The following BRIP1 variants were observed in gnomAD, a reference collection of about 807,000 sequenced individuals.
The protein encoded by BRIP1 is Fanconi anemia group J protein.
A neutral mutation model predicts 119.7 loss-of-function variants in BRIP1; 88 were observed. The observed-to-expected ratio is 0.74, with a 90% confidence interval of 0.62 to 0.88. The LOEUF is 0.88. Among genes scored for constraint, BRIP1 ranks in the 40% least tolerant of loss-of-function variants. BRIP1 has a pLI of 0.00. For missense variants in BRIP1, 1,259 were observed against 1,455.4 expected, an observed-to-expected ratio of 0.87 and a Z score of 2.20; for synonymous variants, 443 against 496.5, an observed-to-expected ratio of 0.89 and a Z score of 1.43.
At position 61,757,906 on chromosome 17, in the gene BRIP1, T is replaced by A. The variant is rs1050134981; in HGVS notation, c.2098-13315A>T. On this transcript the variant is annotated intron_variant, in intron 14 of 19. Transcript: ENST00000259008. This position sits in a 1 kb window ranked among gnomAD's most constrained non-coding sequence, Gnocchi z 4.3. The stretch of plus-strand genomic sequence containing the variant: ...TACCCAGGAGGCTGAAGTGGGAGGA[T>A]CACCTGAGCCAGGGAGGTAAAGACT... Among the ~76,000 whole-genome samples, 2 of 151,236 alleles carry A rather than the reference T, an allele frequency of 1.3e-5. No homozygotes were observed. The highest frequency in any genetic ancestry group is 4.9e-5 in the African/African-American group (2 of 41,116).
At chr17:61,731,357 T>G (rs113789760) in intron 16 of BRIP1, among the ~76,000 whole-genome samples, 1 of 152,204 alleles carries the variant, frequency 6.6e-6, no homozygotes, top group Admixed American at 6.5e-5. Flanking sequence ...GGTCTCTGTA[T>G]CAGATGCAAC....
chr17:61,703,761 T>C lies in BRIP1; in HGVS notation c.2493-10249A>G, dbSNP rs1357994642. Reference sequence around the variant, plus strand: ...CTAGGTTTTCTTCAAGGGTTTTTAGTTTAAGGTTTTACATTTAAGTCTTTA... The same window carrying C: ...CTAGGTTTTCTTCAAGGGTTTTTAGCTTAAGGTTTTACATTTAAGTCTTTA... On this transcript the variant is annotated intron_variant, in intron 17 of 19. Transcript: ENST00000259008. The surrounding 1 kb of genome is among the most constrained non-coding windows in gnomAD (Gnocchi z 5.0). 6.6e-6 allele frequency among the ~76,000 whole-genome samples: 1 copy of C among 152,142 alleles called. No individual in the cohort carries two copies. The highest frequency in any genetic ancestry group is 2.4e-5 in the African/African-American group (1 of 41,442).
At position 61,701,561 on chromosome 17, in the gene BRIP1, C is replaced by A. The variant is rs754830504; in HGVS notation, c.2493-8049G>T. Among the ~76,000 whole-genome samples the A allele has an allele frequency of 6.6e-6, 1 of 152,164 alleles. No individual in the cohort carries two copies. The highest frequency in any genetic ancestry group is 1.5e-5 in the Non-Finnish European group (1 of 68,028). ...AGAGCACCAAGGTGATAGCTTAGGG[C>A]CTTTTCAGGTCTTTTCTTAGCATGT... On this transcript the variant is annotated intron_variant, in intron 17 of 19. Transcript: ENST00000259008. This position sits in a 1 kb window ranked among gnomAD's most constrained non-coding sequence, Gnocchi z 5.1.
intron 10 of BRIP1, among the ~76,000 whole-genome samples, chr17:61,786,583 AAT>A (rs1372010463): frequency 6.8e-6 from 1 of 147,084 alleles, no homozygotes; most frequent in Admixed American, 6.9e-5. Context: ...ATAACTATAA[AAT>A]ATATAATATA....
chr17:61,806,773 C>T lies in BRIP1; in HGVS notation c.918+1694G>A, dbSNP rs2078079690. Among the ~76,000 whole-genome samples, 1 of 152,234 alleles carries T rather than the reference C, an allele frequency of 6.6e-6. No homozygotes were observed. Among genetic ancestry groups the T allele is most frequent in the South Asian group, 2.1e-4 (1 of 4,832 alleles). On this transcript the variant is annotated intron_variant, in intron 7 of 19. Coordinates refer to ENST00000259008, the MANE Select transcript of BRIP1 (RefSeq NM_032043.3). This position sits in a 1 kb window ranked among gnomAD's most constrained non-coding sequence, Gnocchi z 4.9. ...AGTGCAGTGGCGCGATCTTGGCTCA[C>T]TGCAACCTCTGCCTCCTGGGTTCAA...
rs62068836 is a variant in BRIP1 at position 61,809,975 on chromosome 17, C to T, written c.628-1218G>A. On this transcript the variant is annotated intron_variant, in intron 6 of 19. Coordinates refer to ENST00000259008, the MANE Select transcript of BRIP1 (RefSeq NM_032043.3). The surrounding 1 kb of genome is among the most constrained non-coding windows in gnomAD (Gnocchi z 5.2). ...ACTCCCAGTCTCACTCAACCTTGTC[C>T]GCCATTAAATATTACAATACATGAT... is the stretch of plus-strand genomic sequence containing the variant. Among the ~76,000 whole-genome samples the T allele has an allele frequency of 0.26, 39,177 of 152,108 alleles. 6,248 individuals are homozygous for T. Among genetic ancestry groups the T allele is most frequent in the Non-Finnish European group, 0.36 (24,358 of 67,964 alleles).
Position 61,722,540 on chromosome 17 carries a change from C to T in BRIP1, c.2380-6477G>A, listed in dbSNP as rs553234825. ...TCCTACCTATCTCTCAAAAATGTAA[C>T]TAAAGCAGCTTCTCTTCTTTAACAA... On this transcript the variant is annotated intron_variant, in intron 16 of 19. Transcript: ENST00000259008. The surrounding 1 kb of genome is among the most constrained non-coding windows in gnomAD (Gnocchi z 4.6). 2.0e-4 allele frequency among the ~76,000 whole-genome samples: 31 copies of T among 152,300 alleles called. No individual in the cohort carries two copies. Among genetic ancestry groups the T allele is most frequent in the Non-Finnish European group, 3.1e-4 (21 of 68,024 alleles).
In BRIP1 at chr17:61,759,236, T is replaced by C. The variant is rs2077242473; in HGVS notation, c.2098-14645A>G. ...CTGAAAGTGAGCAGCTGAAAAAAGC[T>C]ATTCAACAAAATGGAAACCAAAAGA... On this transcript the variant is annotated intron_variant, in intron 14 of 19. Transcript: ENST00000259008. This position sits in a 1 kb window ranked among gnomAD's most constrained non-coding sequence, Gnocchi z 4.9. Among the ~76,000 whole-genome samples, 1 of 152,056 alleles carries C rather than the reference T, an allele frequency of 6.6e-6. No individual in the cohort carries two copies. Among genetic ancestry groups the C allele is most frequent in the Non-Finnish European group, 1.5e-5 (1 of 68,008 alleles).
rs977495236 is a variant in BRIP1 at position 61,709,349 on chromosome 17, T to G, written c.2492+6602A>C. Among the ~76,000 whole-genome samples the G allele has an allele frequency of 3.0e-5, 4 of 134,196 alleles. No homozygotes were observed. Among genetic ancestry groups the G allele is most frequent in the Admixed American group, 2.2e-4 (3 of 13,710 alleles). 88.0% of individuals were successfully genotyped at this position (134,196 alleles called of 152,430 possible). A position where few individuals can be genotyped will look rare whatever the true frequency, so the allele number is the denominator to read the frequency against. On this transcript the variant is annotated intron_variant, in intron 17 of 19. Coordinates refer to ENST00000259008, the MANE Select transcript of BRIP1 (RefSeq NM_032043.3). This position sits in a 1 kb window ranked among gnomAD's most constrained non-coding sequence, Gnocchi z 5.0. ...TGACATTTTCATTTCTTTATTATCA[T>G]AGGATTTTGAGGGGGTGAAGAGTAA...
rs2061759004 is a variant in BRIP1, at chr17:61,710,781, C to T, written c.2492+5170G>A. On this transcript the variant is annotated intron_variant, in intron 17 of 19. Coordinates refer to ENST00000259008, the MANE Select transcript of BRIP1 (RefSeq NM_032043.3). This position sits in a 1 kb window ranked among gnomAD's most constrained non-coding sequence, Gnocchi z 5.4. ...CTTAGAAAAATAATTTAATTTCTCA[C>T]AACCAGTTTAAAAACAATTCAGGCT... Among the ~76,000 whole-genome samples the T allele has an allele frequency of 2.0e-5, 3 of 152,240 alleles. No individual in the cohort carries two copies. In the South Asian group the frequency reaches 6.2e-4, roughly 32 times the overall value.
Position 61,724,258 on chromosome 17 carries a change from AT to A in BRIP1, c.2380-8196del, listed in dbSNP as rs897207205. Among the ~76,000 whole-genome samples the A allele has an allele frequency of 1.3e-5, 2 of 152,038 alleles. No homozygotes were observed. The highest frequency in any genetic ancestry group is 2.9e-5 in the Non-Finnish European group (2 of 67,970). On this transcript the variant is annotated intron_variant, in intron 16 of 19. Transcript: ENST00000259008. The surrounding 1 kb of genome is among the most constrained non-coding windows in gnomAD (Gnocchi z 5.1). ...ATGGCATTCAAGCAGAAGTTATATG[AT>A]TTTGGATTCTGATTTTTACCATTAT...
At position 61,857,462 on chromosome 17, in the gene BRIP1, G is replaced by A. The variant is rs1364571770; in HGVS notation, c.206-231C>T. ...CATTTGGTTGGACACAGTGGCTCAC[G>A]CCTGTTATCCTAGCACTTTGGGAGG... is the stretch of plus-strand genomic sequence containing the variant. On this transcript the variant is annotated intron_variant, in intron 3 of 19. Transcript: ENST00000259008. This position sits in a 1 kb window ranked among gnomAD's most constrained non-coding sequence, Gnocchi z 5.1. Among the ~76,000 whole-genome samples, 3 of 152,130 alleles carry A rather than the reference G, an allele frequency of 2.0e-5. No homozygotes were observed. The highest frequency in any genetic ancestry group is 2.9e-5 in the Non-Finnish European group (2 of 68,032).
Position 61,807,558 on chromosome 17 carries a change from T to C in BRIP1, c.918+909A>G, listed in dbSNP as rs1412720608. ...TAAGGAAGAAAAGCATAAAACAAAA[T>C]AATTCACATTATATGGTAGGGGGTG... On this transcript the variant is annotated intron_variant, in intron 7 of 19. Coordinates refer to ENST00000259008, the MANE Select transcript of BRIP1 (RefSeq NM_032043.3). The surrounding 1 kb of genome is among the most constrained non-coding windows in gnomAD (Gnocchi z 4.5). 6.6e-6 allele frequency among the ~76,000 whole-genome samples: 1 copy of C among 152,110 alleles called. No homozygotes were observed. The highest frequency in any genetic ancestry group is 2.4e-5 in the African/African-American group (1 of 41,436).
intron 3 of BRIP1, among the ~76,000 whole-genome samples, chr17:61,858,217 GAC>G (rs1461494318): frequency 6.6e-6 from 1 of 151,968 alleles, no homozygotes; most frequent in Non-Finnish European, 1.5e-5. Flanking sequence ...AATCAGTATT[GAC>G]ATTGTTTTCC....
rs552881388 is a variant in BRIP1, at chr17:61,698,053, G to A, written c.2493-4541C>T. On this transcript the variant is annotated intron_variant, in intron 17 of 19. Transcript: ENST00000259008. ...ACTCCTGACCTCAGGTAATCTGCCC[G>A]TGTTGGCCTCCCAAAGTGCTAGGAT... Among the ~76,000 whole-genome samples, 16 of 152,188 alleles carry A rather than the reference G, an allele frequency of 1.1e-4. 1 individual carries two copies. In the South Asian group the frequency reaches 2.1e-3, roughly 20 times the overall value.
At position 61,861,660 on chromosome 17, in the gene BRIP1, A is replaced by T. The variant is rs1278922113; in HGVS notation, c.-30-91T>A. 2.8e-6 allele frequency: 2 copies of T among 725,826 alleles called. No individual in the cohort carries two copies. The highest frequency in any genetic ancestry group is 2.2e-5 in the Admixed American group (1 of 45,948). 45.0% of individuals were successfully genotyped at this position (725,826 alleles called of 1,614,324 possible). ...CTAAGGGAGAAATCTGGAAACAGAA[A>T]CTGGAATTAATAAAAGTATAAACAA... is the stretch of plus-strand genomic sequence containing the variant. On this transcript the variant is annotated intron_variant, in intron 1 of 19. Coordinates refer to ENST00000259008, the MANE Select transcript of BRIP1 (RefSeq NM_032043.3). This position sits in a 1 kb window ranked among gnomAD's most constrained non-coding sequence, Gnocchi z 4.5.
intron 6 of BRIP1, among the ~76,000 whole-genome samples, chr17:61,819,967 C>G (rs908409378): frequency 2.0e-5 from 3 of 151,558 alleles, no homozygotes; most frequent in African/African-American, 7.3e-5. Context: ...ACATTGCATG[C>G]CTGTATCAAA....
In BRIP1 at chr17:61,762,995, C is replaced by A. The variant is rs370170444; in HGVS notation, c.2097+13406G>T. ...TATGCTAAGTGAAATAAGCCAGGCA[C>A]AGAAAGATAAATGTCTCATGCCCTT... On this transcript the variant is annotated intron_variant, in intron 14 of 19. Coordinates refer to ENST00000259008, the MANE Select transcript of BRIP1 (RefSeq NM_032043.3). The surrounding 1 kb of genome is among the most constrained non-coding windows in gnomAD (Gnocchi z 4.3). Among the ~76,000 whole-genome samples the A allele has an allele frequency of 2.6e-5, 4 of 152,068 alleles. No homozygotes were observed. The East Asian group carries it at 5.8e-4, about 22-fold the overall frequency.
chr17:61,809,631 T>C lies in BRIP1; in HGVS notation c.628-874A>G, dbSNP rs9907299. ...GAACTCACAGGTTCTTAATAACTAC[T>C]TCCTTCTAAGTCTCAATTATTACAC... On this transcript the variant is annotated intron_variant, in intron 6 of 19. Transcript: ENST00000259008. The surrounding 1 kb of genome is among the most constrained non-coding windows in gnomAD (Gnocchi z 5.2). Among the ~76,000 whole-genome samples the C allele has an allele frequency of 0.79, 120,494 of 152,110 alleles. 48,341 individuals are homozygous for C. Among genetic ancestry groups the C allele is most frequent in the African/African-American group, 0.89 (37,009 of 41,546 alleles).
Sources: allele counts gnomAD v4.1 joint callset (sites outside exome capture counted in the v4.1 genomes callset), GRCh38; gene constraint gnomAD v4.1.1; non-coding constraint Gnocchi (gnomAD v3.1); transcripts MANE v1.5; gene names NCBI Gene and HGNC (gene_info 2026-07-23, HGNC 2026-07-21).